The following MYO1D variants were observed in gnomAD, a reference collection of about 807,000 sequenced individuals.
MYO1D encodes the protein myosin ID.
A neutral mutation model predicts 122.0 loss-of-function variants in MYO1D; 83 were observed. The observed-to-expected ratio is 0.68, with a 90% CI of 0.57 to 0.82. MYO1D has a LOEUF of 0.82. MYO1D is among the 40% of genes least tolerant of loss of function. The pLI, the probability that MYO1D is intolerant of heterozygous loss-of-function variation, is 0.00. For missense variants in MYO1D, 1,157 were observed against 1,269.5 expected (o/e 0.91, Z 1.35); for synonymous variants, 464 against 446.9 (o/e 1.04, Z -0.48).
chr17:32,860,583 A>T (rs1180042044), intron 1 of MYO1D, among the ~76,000 whole-genome samples: 1 of 152,252 alleles, frequency 6.6e-6, no homozygotes, highest in Non-Finnish European at 1.5e-5. Flanking sequence ...TTTACATTGT[A>T]AGCTTTTCCA....
intron 21 of MYO1D, among the ~76,000 whole-genome samples, chr17:32,570,431 CT>C (rs1472110197): frequency 1.3e-5 from 2 of 151,946 alleles, no homozygotes. Context: ...GTGGCATGAT[CT>C]TGGCTCACTG....
At chr17:32,826,049 A>T (rs1206284281) in intron 1 of MYO1D, among the ~76,000 whole-genome samples, 1 of 2,412 alleles carries the variant, frequency 4.1e-4, no homozygotes, top group African/African-American at 8.9e-4. Context: ...ACTCCATCTT[A>T]AAAAAAAAAA....
At chr17:32,639,361 TTTTGTG>T (rs1444304861) in intron 19 of MYO1D, among the ~76,000 whole-genome samples, 2,668 of 65,676 alleles carry the variant, frequency 0.041, 65 homozygotes, top group African/African-American at 0.079. Context: ...TTGGGAGAAA[TTTTGTG>T]TGTGTGTGTG....
intron 1 of MYO1D, chr17:32,792,353 A>T (rs925716101): frequency 6.6e-6 from 1 of 152,208 alleles, no homozygotes; most frequent in Non-Finnish European, 1.5e-5. Flanking sequence ...AACCAACGAT[A>T]CTGGCCTATT....
At chr17:32,649,228 T>C (rs1292985813) in intron 19 of MYO1D, among the ~76,000 whole-genome samples, 1 of 152,238 alleles carries the variant, frequency 6.6e-6, no homozygotes, top group Admixed American at 6.5e-5. Context: ...CATTTTTAAG[T>C]GTATAGGTCA....
At chr17:32,670,977 T>C (rs536354770) in intron 16 of MYO1D, among the ~76,000 whole-genome samples, 62 of 152,304 alleles carry the variant, frequency 4.1e-4, no homozygotes, top group African/African-American at 1.4e-3. Context: ...CCTGTGTCAA[T>C]GGAGAGCAGC....
intron 11 of MYO1D, among the ~76,000 whole-genome samples, chr17:32,754,959 G>A (rs904770665): frequency 6.6e-6 from 1 of 152,196 alleles, no homozygotes; most frequent in African/African-American, 2.4e-5. Context: ...AAAATGGAGA[G>A]TTAAAAGGAT....
At chr17:32,560,576 T>TATATATAA (rs2087114756) in intron 21 of MYO1D, among the ~76,000 whole-genome samples, 3 of 112,092 alleles carry the variant, frequency 2.7e-5, no homozygotes, top group Non-Finnish European at 3.6e-5. Flanking sequence ...TATATATATA[T>TATATATAA]AACTTTTATA....
intron 15 of MYO1D, among the ~76,000 whole-genome samples, chr17:32,719,973 T>C (rs1321415960): frequency 6.6e-6 from 1 of 152,224 alleles, no homozygotes; most frequent in Non-Finnish European, 1.5e-5. Context: ...ATCTTCTCTT[T>C]GCTCTGATCT....
chr17:32,619,532 C>A (rs554535536), intron 20 of MYO1D, among the ~76,000 whole-genome samples: 1 of 152,154 alleles, frequency 6.6e-6, no homozygotes, highest in Non-Finnish European at 1.5e-5. Flanking sequence ...GTATGAGAAT[C>A]ACAGGGAAGA....
At chr17:32,624,835 G>A (rs1216853470) in intron 20 of MYO1D, among the ~76,000 whole-genome samples, 1 of 150,108 alleles carries the variant, frequency 6.7e-6, no homozygotes, top group African/African-American at 2.5e-5. Context: ...TTGTTGCCCA[G>A]GCTGGTATGC....
chr17:32,850,067 G>T (rs1567671498), intron 1 of MYO1D, among the ~76,000 whole-genome samples: 1 of 152,072 alleles, frequency 6.6e-6, no homozygotes, highest in Non-Finnish European at 1.5e-5. Context: ...AAATTTTTGT[G>T]GTAAAAACTG....
At chr17:32,600,858 G>A (rs188022684) in intron 21 of MYO1D, among the ~76,000 whole-genome samples, 5 of 152,028 alleles carry the variant, frequency 3.3e-5, no homozygotes, top group African/African-American at 1.2e-4. Flanking sequence ...ATTCACAACT[G>A]GGCTGTTTAA....
At chr17:32,560,263 A>AT (rs1024232161) in intron 21 of MYO1D, among the ~76,000 whole-genome samples, 21 of 152,196 alleles carry the variant, frequency 1.4e-4, no homozygotes, top group Non-Finnish European at 1.5e-4. Flanking sequence ...TCAAAAAAAA[A>AT]GGAAAAAGTG....
At chr17:32,839,940 C>T (rs1258054375) in intron 1 of MYO1D, among the ~76,000 whole-genome samples, 1 of 152,184 alleles carries the variant, frequency 6.6e-6, no homozygotes. Context: ...ATTCACTTTC[C>T]TTTCCAGGGC....
chr17:32,522,532 A>G (rs1260408383), intron 21 of MYO1D, among the ~76,000 whole-genome samples: 5 of 152,224 alleles, frequency 3.3e-5, no homozygotes, highest in African/African-American at 9.6e-5. Flanking sequence ...TGTTTCCTAA[A>G]TAGACAGCAG....
At chr17:32,797,226 C>T (rs2090424712) in intron 1 of MYO1D, among the ~76,000 whole-genome samples, 1 of 152,198 alleles carries the variant, frequency 6.6e-6, no homozygotes, top group Non-Finnish European at 1.5e-5. Flanking sequence ...GCCTCGGCCT[C>T]CCAAAGTGCT....
At chr17:32,536,868 GA>G (rs1910680259) in intron 21 of MYO1D, among the ~76,000 whole-genome samples, 1 of 152,130 alleles carries the variant, frequency 6.6e-6, no homozygotes, top group South Asian at 2.1e-4. Context: ...AAAGTTCCAT[GA>G]ATTGCATCCT....
chr17:32,866,504 A>C (rs2091126098), intron 1 of MYO1D, among the ~76,000 whole-genome samples: 1 of 152,216 alleles, frequency 6.6e-6, no homozygotes, highest in African/African-American at 2.4e-5. Flanking sequence ...CATACTGTAA[A>C]GTTATTTCTC....
Sources: allele counts gnomAD v4.1 joint callset (sites outside exome capture counted in the v4.1 genomes callset), GRCh38; gene constraint gnomAD v4.1.1; transcripts MANE v1.5; gene names NCBI Gene and HGNC (gene_info 2026-07-23, HGNC 2026-07-21).